The following ADPRHL1 variants were observed in gnomAD, a reference collection of about 807,000 sequenced individuals.
ADPRHL1 encodes the protein inactive ADP-ribosyltransferase ARH2.
In ADPRHL1, 43 loss-of-function variants were observed where a neutral mutation model predicts 44.1. That is an observed-to-expected ratio of 0.98 (90% confidence interval 0.76 to 1.26). The LOEUF (loss-of-function observed/expected upper bound fraction) is 1.26. ADPRHL1 is among the 50% of genes most tolerant of loss of function. The pLI is 0.00. For synonymous variants in ADPRHL1, 878 were observed against 1,017.4 expected (o/e 0.86, Z 2.61); for missense variants, 2,022 against 2,496.9 (o/e 0.81, Z 4.05).
chr13:113,448,937 C>T (rs537766255), intron 1 of ADPRHL1: 14 of 985,236 alleles, frequency 1.4e-5, no homozygotes, highest in Non-Finnish European at 1.7e-5. Flanking sequence ...GCTGCATACC[C>T]GAGCAATGGC....
At position 113,441,693 on chromosome 13, in the gene ADPRHL1, T is replaced by C. The variant is rs1262922558; in HGVS notation, c.379+2732A>G. Among the ~76,000 whole-genome samples the C allele has an allele frequency of 6.6e-6, 1 of 152,160 alleles. No homozygotes were observed. Among genetic ancestry groups the C allele is most frequent in the Non-Finnish European group, 1.5e-5 (1 of 67,998 alleles). Reference sequence around the variant, plus strand: ...CATACAGTTACCATTTCTGTAACACTCTATCCCGCTGCGTGGGTCCATGTC... The same window carrying C: ...CATACAGTTACCATTTCTGTAACACCCTATCCCGCTGCGTGGGTCCATGTC... On this transcript the variant is annotated intron_variant, in intron 2 of 7. Coordinates refer to ENST00000612156, the MANE Select transcript of ADPRHL1 (RefSeq NM_001394807.1). This position sits in a 1 kb window ranked among gnomAD's most constrained non-coding sequence, Gnocchi z 6.0.
In ADPRHL1 at chr13:113,407,675, C is replaced by T. The variant is rs1395154753; in HGVS notation, c.1607G>A (p.Gly536Asp). 6.5e-6 allele frequency: 8 copies of T among 1,231,952 alleles called. No homozygotes were observed. The highest frequency in any genetic ancestry group is 3.2e-5 in the East Asian group (1 of 31,720). The allele number at this position is 1,231,952 out of a possible 1,614,324, so 76.3% of individuals were successfully genotyped here. A position where few individuals can be genotyped will look rare whatever the true frequency, so the allele number is the denominator to read the frequency against. Reference protein sequence around the residue: ...PPVERPKAARGLLPKIMGKSS... With the variant: ...PPVERPKAARDLLPKIMGKSS... ...CTTGCCCATGATCTTCGGCAAGAGG[C>T]CCCTGGCGGCTTTGGGCCGCTCCAC... The change falls in exon 8 of 8, where the codon GGC becomes GAC. Residue 536 changes from glycine (G) to aspartate (D), a missense_variant. Physicochemically the swap from Gly to Asp is moderately conservative, Grantham distance 94. Transcript: ENST00000612156.
At chr13:113,429,177 C>T in intron 3 of ADPRHL1, 85 bp from the exon 4 acceptor site, 1 of 1,521,200 alleles carries the variant, frequency 6.6e-7, no homozygotes, top group Non-Finnish European at 8.9e-7. Context: ...GCGTGGGACT[C>T]CCGAGGAAGG....
rs2043957851 is a variant in ADPRHL1, at chr13:113,425,036, C to A, written c.774+16G>T. The A allele has an allele frequency of 6.2e-7, 1 of 1,613,098 alleles. No homozygotes were observed. Among genetic ancestry groups the A allele is most frequent in the Non-Finnish European group, 8.5e-7 (1 of 1,179,708 alleles). On this transcript the variant is annotated intron_variant, in intron 5 of 7. Transcript: ENST00000612156. ...TGGTGTGCCAGACATTGCCCCAGTGCCAGGACAAGGCTTACCTTTTCCCTC... is the reference window on the plus strand; with the variant it reads ...TGGTGTGCCAGACATTGCCCCAGTGACAGGACAAGGCTTACCTTTTCCCTC...
intron 2 of ADPRHL1, among the ~76,000 whole-genome samples, chr13:113,442,307 C>T (rs1461614378): frequency 6.6e-6 from 1 of 152,178 alleles, no homozygotes; most frequent in Non-Finnish European, 1.5e-5. Flanking sequence ...ATAAGAAAAA[C>T]AGGCAAGCGT....
In ADPRHL1 at chr13:113,408,154, C is replaced by T; in HGVS notation, c.1128G>A (p.Met376Ile). 1 of 1,232,028 alleles carries T rather than the reference C, an allele frequency of 8.1e-7. No homozygotes were observed. The allele number at this position is 1,232,028 out of a possible 1,614,324, so 76.3% of individuals were successfully genotyped here. ...CGGCCGGGTCACAGGCCAGCTTGCC[C>T]ATCTTCTTCTTCAGGGTTTGGGCGT... ...SVDAQTLKKK[M>I]GKLACDPAAH... The change falls in exon 8 of 8, where the codon ATG (methionine) becomes ATA (isoleucine). Residue 376 changes from methionine (M) to isoleucine (I), a missense_variant. Transcript: ENST00000612156.
At position 113,440,789 on chromosome 13, in the gene ADPRHL1, G is replaced by A. The variant is rs142763261; in HGVS notation, c.379+3636C>T. ...TTTTTAGAAGCTTTAATCTATTTACGTCTTTATATTTAAAGTGTTACTGAA... is the reference window on the plus strand; with the variant it reads ...TTTTTAGAAGCTTTAATCTATTTACATCTTTATATTTAAAGTGTTACTGAA... On this transcript the variant is annotated intron_variant, in intron 2 of 7. Coordinates refer to ENST00000612156, the MANE Select transcript of ADPRHL1 (RefSeq NM_001394807.1). 1.1e-4 allele frequency among the ~76,000 whole-genome samples: 17 copies of A among 152,132 alleles called. No individual in the cohort carries two copies. The East Asian group carries it at 1.7e-3, about 16-fold the overall frequency.
Position 113,403,186 on chromosome 13 carries a change from G to C in ADPRHL1, c.*192C>G, listed in dbSNP as rs984798740. 5 of 443,050 alleles carry C rather than the reference G, an allele frequency of 1.1e-5. No homozygotes were observed. Among genetic ancestry groups the C allele is most frequent in the African/African-American group, 8.1e-5 (4 of 49,256 alleles). The allele number at this position is 443,050 out of a possible 1,614,324, so 27.4% of individuals were successfully genotyped here. The stretch of plus-strand genomic sequence containing the variant: ...CCCCCATGGCCTCGTGGCTCTGTGG[G>C]GTGACAGGAACCCGACCCACATGTA... On this transcript the variant is annotated 3_prime_UTR_variant, in exon 8 of 8. Transcript: ENST00000612156.
intron 2 of ADPRHL1, among the ~76,000 whole-genome samples, chr13:113,434,207 T>A (rs185873289): frequency 5.5e-4 from 83 of 152,256 alleles, no homozygotes; most frequent in African/African-American, 1.9e-3. Flanking sequence ...AAACTAGGCA[T>A]AATGAAACAT....
At chr13:113,449,499 C>G (rs115683107) in intron 1 of ADPRHL1, among the ~76,000 whole-genome samples, 1 of 147,870 alleles carries the variant, frequency 6.8e-6, no homozygotes, top group Non-Finnish European at 1.5e-5. Context: ...AGAGGCTCAC[C>G]CAGAAGGAGA....
chr13:113,424,685 T>TATCCACCCATCCATTCATCC (rs2043951831), intron 5 of ADPRHL1, among the ~76,000 whole-genome samples: 1 of 23,624 alleles, frequency 4.2e-5, no homozygotes, highest in Admixed American at 4.7e-4. Context: ...TCCATTCATC[T>TATCCACCCATCCATTCATCC]ATCCACCCAT....
At chr13:113,415,403 C>T (rs956694198) in intron 7 of ADPRHL1, among the ~76,000 whole-genome samples, 1 of 152,186 alleles carries the variant, frequency 6.6e-6, no homozygotes, top group South Asian at 2.1e-4. Flanking sequence ...GCCAGCCAGG[C>T]GTGGGCTCAG....
At chr13:113,421,384 A>C (rs991770547) in intron 7 of ADPRHL1, among the ~76,000 whole-genome samples, 92 of 35,700 alleles carry the variant, frequency 2.6e-3, no homozygotes, top group African/African-American at 3.0e-3. Context: ...GGACACGCCC[A>C]CCCCCGGGAC....
At position 113,403,567 on chromosome 13, in the gene ADPRHL1, C is replaced by T. The variant is rs537136515; in HGVS notation, c.5715G>A (p.Gly1905=). The T allele has an allele frequency of 3.2e-5, 40 of 1,231,712 alleles. No homozygotes were observed. In the South Asian group the frequency reaches 4.5e-4, roughly 14 times the overall value. The allele number at this position is 1,231,712 out of a possible 1,614,324, so 76.3% of individuals were successfully genotyped here. The stretch of plus-strand genomic sequence containing the variant: ...TCTCAGCCCCAGGGTGGTCTGGGGA[C>T]CCCTCCTGGGCCGGGGCCTGGGGAG... ...CGTPQAPAQE[G]SPDHPGAERA... is the part of the protein sequence containing the mutation. Residue 1905 remains glycine (G), a synonymous_variant, in exon 8 of 8, where the codon GGG becomes GGA. Transcript: ENST00000612156.
At chr13:113,426,128 G>A (rs113464342) in intron 4 of ADPRHL1, among the ~76,000 whole-genome samples, 9 of 50,874 alleles carry the variant, frequency 1.8e-4, no homozygotes, top group African/African-American at 5.2e-4. Flanking sequence ...ATGCTCTAGG[G>A]ACTTCTTAAG....
At chr13:113,413,847 A>G (rs1432973159) in intron 7 of ADPRHL1, among the ~76,000 whole-genome samples, 1 of 152,208 alleles carries the variant, frequency 6.6e-6, no homozygotes, top group East Asian at 1.9e-4. Context: ...CCAGGGGCCA[A>G]TATAAACAGC....
intron 7 of ADPRHL1, among the ~76,000 whole-genome samples, chr13:113,411,642 C>T (rs2043852934): frequency 6.6e-6 from 1 of 152,194 alleles, no homozygotes; most frequent in Non-Finnish European, 1.5e-5. Flanking sequence ...GATCAGGATG[C>T]TCTTCTGGGT....
chr13:113,400,307 G>C lies in ADPRHL1; in HGVS notation c.*3071C>G, dbSNP rs186525226. The C allele has an allele frequency of 6.6e-6, 1 of 151,148 alleles. No individual in the cohort carries two copies. The highest frequency in any genetic ancestry group is 1.5e-5 in the Non-Finnish European group (1 of 67,734). 9.4% of individuals were successfully genotyped at this position (151,148 alleles called of 1,614,324 possible). ...ACTACAGGCACCCACCACCACGCCC[G>C]GCTAATTTTTGTATTTTTAGTAGAG... On this transcript the variant is annotated 3_prime_UTR_variant, in exon 8 of 8. Transcript: ENST00000612156.
intron 2 of ADPRHL1, among the ~76,000 whole-genome samples, chr13:113,435,439 C>T (rs1293056352): frequency 9.4e-5 from 12 of 127,576 alleles, no homozygotes; most frequent in South Asian, 2.7e-4. Context: ...GGACCCAGCA[C>T]CCAGGTGTAG....
Sources: gnomAD v4.1 joint callset for allele counts (sites outside exome capture counted in the v4.1 genomes callset) on GRCh38, gnomAD v4.1.1 for gene constraint, Gnocchi (gnomAD v3.1) non-coding constraint, MANE v1.5 for transcripts, NCBI Gene and HGNC (gene_info 2026-07-23, HGNC 2026-07-21) for gene names.